NBAS: variants seen among roughly 807,000 people sequenced by gnomAD.
NBAS encodes the protein NAG/BC035112 fusion.
In NBAS, 219 loss-of-function variants were observed where a neutral mutation model predicts 302.5. That is an observed-to-expected ratio of 0.72 (90% CI 0.65 to 0.81). The LOEUF is 0.81. Ranked by LOEUF, NBAS falls within the 30% of genes least tolerant of loss-of-function variation. The pLI is 0.00. For synonymous variants in NBAS, 1,118 were observed against 1,021.6 expected (o/e 1.09, Z -1.80); for missense variants, 2,932 against 2,841.6 (o/e 1.03, Z -0.72).
intron 25 of NBAS, among the ~76,000 whole-genome samples, chr2:15,412,048 G>A (rs1474115494): frequency 6.6e-6 from 1 of 152,076 alleles, no homozygotes; most frequent in African/African-American, 2.4e-5. Flanking sequence ...AAAAGAGGAA[G>A]GTTTGAGGCA....
chr2:15,478,070 A>G (rs1418003555), intron 13 of NBAS, among the ~76,000 whole-genome samples, 156 bp downstream of exon 13: 1 of 50,212 alleles, frequency 2.0e-5, no homozygotes, highest in African/African-American at 7.3e-5. Flanking sequence ...CCATCAGAAA[A>G]CTGGATCTGT....
the NBAS span, among the ~76,000 whole-genome samples, chr2:14,982,903 A>C: frequency 6.6e-6 from 1 of 152,226 alleles, no homozygotes; most frequent in Non-Finnish European, 1.5e-5. Context: ...CCAGAGCTAA[A>C]TAGAAACAGA....
intron 48 of NBAS, among the ~76,000 whole-genome samples, chr2:15,214,217 AC>A (rs1666550977): frequency 1.3e-5 from 2 of 152,208 alleles, no homozygotes; most frequent in African/African-American, 4.8e-5. Context: ...CATTTATTCA[AC>A]AAATATTTAT....
intron 41 of NBAS, 119 bp downstream of exon 41, chr2:15,292,418 C>G: frequency 9.5e-7 from 1 of 1,052,538 alleles, no homozygotes; most frequent in Non-Finnish European, 1.4e-6. Context: ...GGGGAAAGCC[C>G]TATTCATAGC....
chr2:15,529,407 C>A (rs1022107503), intron 9 of NBAS, among the ~76,000 whole-genome samples: 2 of 151,994 alleles, frequency 1.3e-5, no homozygotes, highest in Non-Finnish European at 2.9e-5. Flanking sequence ...GTGGGAGGAT[C>A]GCTTGAGCCC....
rs546612976 is a variant in NBAS, at chr2:15,190,160, A to G, written c.6572+104T>C. On this transcript the variant is annotated intron_variant, in intron 49 of 51. Transcript: ENST00000281513. ...AAAGGCAAATACTGACTACGCACAC[A>G]CATATAATTATTCTTTCATTGGCTC... is the stretch of plus-strand genomic sequence containing the variant. 7.6e-6 allele frequency: 10 copies of G among 1,310,372 alleles called. No homozygotes were observed. The African/African-American group carries it at 1.0e-4, about 14-fold the overall frequency. 81.2% of individuals were successfully genotyped at this position (1,310,372 alleles called of 1,614,324 possible).
the NBAS span, among the ~76,000 whole-genome samples, chr2:15,081,253 T>C: frequency 6.6e-6 from 1 of 152,150 alleles, no homozygotes; most frequent in African/African-American, 2.4e-5. Context: ...ACCCATATCA[T>C]TGTTAACTCC....
chr2:15,307,418 A>C (rs944172965), intron 40 of NBAS, among the ~76,000 whole-genome samples: 31 of 152,296 alleles, frequency 2.0e-4, no homozygotes, highest in African/African-American at 6.7e-4. Flanking sequence ...GGAAAAATTT[A>C]AGTTGTATTA....
chr2:15,064,899 C>T, the NBAS span, among the ~76,000 whole-genome samples: 5 of 152,030 alleles, frequency 3.3e-5, no homozygotes, highest in Non-Finnish European at 7.4e-5. Flanking sequence ...ATATCAAGAC[C>T]AAGTGGGAGT....
rs147031606 is a variant in NBAS at position 15,554,163 on chromosome 2, C to T, written c.210-25G>A. On this transcript the variant is annotated intron_variant, in intron 3 of 51. Coordinates refer to ENST00000281513, the MANE Select transcript of NBAS (RefSeq NM_015909.4). The stretch of plus-strand genomic sequence containing the variant: ...GCTGAAATCACAACACATTAGTTAG[C>T]TTAAAATCTAATCATGAAAACCACA... 67 of 1,592,450 alleles carry T rather than the reference C, an allele frequency of 4.2e-5. No homozygotes were observed. The East Asian group carries it at 1.5e-3, about 35-fold the overall frequency.
At chr2:15,204,105 T>C (rs1174925890) in intron 48 of NBAS, among the ~76,000 whole-genome samples, 1 of 151,530 alleles carries the variant, frequency 6.6e-6, no homozygotes, top group Non-Finnish European at 1.5e-5. Flanking sequence ...CTACGAAAAA[T>C]ATACAGTTAG....
chr2:15,438,305 TG>T (rs1678134089), intron 21 of NBAS, among the ~76,000 whole-genome samples: 1 of 152,132 alleles, frequency 6.6e-6, no homozygotes, highest in Admixed American at 6.5e-5. Flanking sequence ...TCATATGTTA[TG>T]GGAAAAGACA....
chr2:14,963,154 G>T, the NBAS span, among the ~76,000 whole-genome samples: 7 of 152,016 alleles, frequency 4.6e-5, no homozygotes, highest in Admixed American at 4.6e-4. Flanking sequence ...TGTAATCCCA[G>T]CTACTCAGGA....
At chr2:15,243,785 T>TA (rs1306100069) in intron 44 of NBAS, among the ~76,000 whole-genome samples, 1 of 151,708 alleles carries the variant, frequency 6.6e-6, no homozygotes, top group East Asian at 1.9e-4. Context: ...TGAAACAAAA[T>TA]AAACAGCCCA....
chr2:15,292,860 C>T (rs555829013), intron 40 of NBAS, 94 bp from the exon 41 acceptor site: 1 of 1,210,702 alleles, frequency 8.3e-7, no homozygotes, highest in African/African-American at 1.5e-5. Context: ...CTGCAAGGAA[C>T]TGTTTGGCCC....
At chr2:14,930,632 C>A in the NBAS span, among the ~76,000 whole-genome samples, 1 of 152,202 alleles carries the variant, frequency 6.6e-6, no homozygotes, top group Non-Finnish European at 1.5e-5. Context: ...ACCAGATGCC[C>A]ATATGTGATT....
chr2:14,848,262 C>A, the NBAS span, among the ~76,000 whole-genome samples: 1 of 150,376 alleles, frequency 6.6e-6, no homozygotes, highest in Non-Finnish European at 1.5e-5. Flanking sequence ...ATTGCCTCAC[C>A]TGGGAAGCGC....
intron 44 of NBAS, among the ~76,000 whole-genome samples, chr2:15,243,961 G>C (rs979974528): frequency 2.0e-5 from 3 of 152,128 alleles, no homozygotes; most frequent in African/African-American, 7.2e-5. Flanking sequence ...AAACAAGGGC[G>C]TGACACTCCG....
the NBAS span, among the ~76,000 whole-genome samples, chr2:14,875,304 A>T: frequency 2.6e-5 from 4 of 152,192 alleles, no homozygotes; most frequent in Admixed American, 2.6e-4. Flanking sequence ...GCAAGATTGC[A>T]GGATATGAAA....
Sources: allele counts gnomAD v4.1 joint callset (sites outside exome capture counted in the v4.1 genomes callset), GRCh38; gene constraint gnomAD v4.1.1; transcripts MANE v1.5; gene names NCBI Gene and HGNC (gene_info 2026-07-23, HGNC 2026-07-21).